BTBD3: variants seen among roughly 807,000 people sequenced by gnomAD.
BTBD3 encodes the protein BTB/POZ domain-containing protein 3.
In BTBD3, 14 loss-of-function variants were observed where a neutral mutation model predicts 41.6. The observed-to-expected ratio is 0.34, with a 90% CI of 0.22 to 0.53. The LOEUF (loss-of-function observed/expected upper bound fraction) is 0.53. Among genes scored for constraint, BTBD3 ranks in the 20% least tolerant of loss-of-function variants. BTBD3 has a pLI of 0.95. For synonymous variants in BTBD3, 249 were observed against 233.7 expected (o/e 1.07, Z -0.60); for missense variants, 426 against 654.7 (o/e 0.65, Z 3.81).
chr20:11,892,821 A>G (rs1021615168), intron 1 of BTBD3, among the ~76,000 whole-genome samples: 1 of 152,192 alleles, frequency 6.6e-6, no homozygotes, highest in Non-Finnish European at 1.5e-5. Context: ...ATATTTAAAA[A>G]TTTAAAAAAA....
intron 1 of BTBD3, among the ~76,000 whole-genome samples, chr20:11,898,475 A>G (rs953847616): frequency 6.6e-6 from 1 of 151,970 alleles, no homozygotes; most frequent in Non-Finnish European, 1.5e-5. Context: ...TCTGCATTTT[A>G]TTTTTCCGTT....
exon 1 of BTBD3, chr20:11,890,888 C>G (rs1600221609): frequency 3.0e-6 from 3 of 984,868 alleles, no homozygotes; most frequent in East Asian, 2.3e-4. Context: ...CGGCCGGGGC[C>G]TGAGGAGCGG....
chr20:11,897,767 T>C (rs955918856), intron 1 of BTBD3, among the ~76,000 whole-genome samples: 1 of 152,190 alleles, frequency 6.6e-6, no homozygotes, highest in Admixed American at 6.5e-5. Flanking sequence ...AACATCAGAG[T>C]GATCTTTTAA....
Position 11,917,993 on chromosome 20 carries a change from T to G in BTBD3, c.-283T>G. 8.7e-7 allele frequency: 1 copy of G among 1,149,502 alleles called. No homozygotes were observed. The highest frequency in any genetic ancestry group is 1.6e-5 in the African/African-American group (1 of 62,564). 71.2% of individuals were successfully genotyped at this position (1,149,502 alleles called of 1,614,324 possible). A position where few individuals can be genotyped will look rare whatever the true frequency, so the allele number is the denominator to read the frequency against. ...GCTACAGCTCTGTGCCTGTCATCTTTGCAGTGTAGCATTTTCAGGTGATCT... is the reference window on the plus strand; with the variant it reads ...GCTACAGCTCTGTGCCTGTCATCTTGGCAGTGTAGCATTTTCAGGTGATCT... On this transcript the variant is annotated 5_prime_UTR_variant, in exon 1 of 4. Transcript: ENST00000378226.
rs1432820372 is a variant in BTBD3 at position 11,925,886 on chromosome 20, C to G, written c.*2220C>G. On this transcript the variant is annotated 3_prime_UTR_variant, in exon 4 of 4. Coordinates refer to ENST00000378226, the MANE Select transcript of BTBD3 (RefSeq NM_014962.4). ...CTGCTGGTGAAAGTCGTGTGAAATC[C>G]TGTACACTGTGTATAGAATAATGTA... 1 of 152,508 alleles carries G rather than the reference C, an allele frequency of 6.6e-6. No homozygotes were observed. The highest frequency in any genetic ancestry group is 1.5e-5 in the Non-Finnish European group (1 of 68,032). 9.4% of individuals were successfully genotyped at this position (152,508 alleles called of 1,614,324 possible).
At position 11,926,581 on chromosome 20, in the gene BTBD3, A is replaced by C. The variant is rs1308484142; in HGVS notation, c.*2915A>C. The C allele has an allele frequency of 1.3e-5, 2 of 152,676 alleles. No individual in the cohort carries two copies. The highest frequency in any genetic ancestry group is 3.8e-4 in the East Asian group (2 of 5,200). 9.5% of individuals were successfully genotyped at this position (152,676 alleles called of 1,614,324 possible). ...TGTATAATCATGTTAAATGCAAATA[A>C]AACTAGTTCATAGATTTGTTTTCCT... is the stretch of plus-strand genomic sequence containing the variant. On this transcript the variant is annotated 3_prime_UTR_variant, in exon 4 of 4. Coordinates refer to ENST00000378226, the MANE Select transcript of BTBD3 (RefSeq NM_014962.4).
At chr20:11,891,853 C>G (rs899524132) in intron 1 of BTBD3, among the ~76,000 whole-genome samples, 1 of 151,974 alleles carries the variant, frequency 6.6e-6, no homozygotes, top group Non-Finnish European at 1.5e-5. Flanking sequence ...TTTAAATATT[C>G]CCCGCCACCT....
intron 1 of BTBD3, among the ~76,000 whole-genome samples, chr20:11,901,883 C>A (rs1262298003): frequency 6.6e-6 from 1 of 152,166 alleles, no homozygotes; most frequent in Non-Finnish European, 1.5e-5. Flanking sequence ...TATATAGTTA[C>A]TGAGTGTGAA....
rs138082885 is a variant in BTBD3 at position 11,923,393 on chromosome 20, C to T, written c.1296C>T (p.Gly432=). ...CCAAGATTGAACTTAAGCGGCAGGG[C>T]GTTGTCCTGGGGCAGAACTTGAGCA... The part of the protein sequence containing the change: ...YSAKIELKRQ[G]VVLGQNLSKY... The change falls in exon 4 of 4, where the codon GGC becomes GGT. Residue 432 remains glycine (G), a synonymous_variant. Coordinates refer to ENST00000378226, the MANE Select transcript of BTBD3 (RefSeq NM_014962.4). The surrounding 1 kb of genome is among the most constrained non-coding windows in gnomAD (Gnocchi z 5.3). 1.1e-5 allele frequency: 18 copies of T among 1,614,072 alleles called. No homozygotes were observed. The African/African-American group carries it at 1.7e-4, about 16-fold the overall frequency.
Position 11,900,607 on chromosome 20 carries a change from T to C in BTBD3, c.-126+9653T>C, listed in dbSNP as rs143521970. ...GCTATGATGTTGTACTTTAGGTCTC[T>C]GTGGATAGAGAAGGACTTCTAATGT... On this transcript the variant is annotated intron_variant, in intron 1 of 4. Coordinates refer to the BTBD3 transcript ENST00000254977. 1.7e-3 allele frequency among the ~76,000 whole-genome samples: 255 copies of C among 152,286 alleles called. 1 individual carries two copies. Among genetic ancestry groups the C allele is most frequent in the Non-Finnish European group, 2.4e-3 (160 of 68,010 alleles).
intron 2 of BTBD3, chr20:11,919,436 G>A (rs1343350557): frequency 1.6e-5 from 23 of 1,406,528 alleles, no homozygotes; most frequent in Admixed American, 8.9e-5. Context: ...CAGGAAAGTC[G>A]TATGTTTACC....
chr20:11,917,091 A>G (rs1168331898), upstream of BTBD3, among the ~76,000 whole-genome samples: 2 of 152,210 alleles, frequency 1.3e-5, no homozygotes, highest in African/African-American at 4.8e-5. Flanking sequence ...TATTCTTTAA[A>G]ATTAAGACAA....
At chr20:11,922,555 T>C in intron 3 of BTBD3, 79 bp from the exon 4 acceptor site, 1 of 1,328,648 alleles carries the variant, frequency 7.5e-7, no homozygotes, top group Non-Finnish European at 1.0e-6. Flanking sequence ...CAGAACAAAC[T>C]TGAAAGTGGT....
intron 1 of BTBD3, among the ~76,000 whole-genome samples, chr20:11,912,411 G>A (rs1402310784): frequency 6.6e-6 from 1 of 152,174 alleles, no homozygotes; most frequent in Non-Finnish European, 1.5e-5. Flanking sequence ...TGGACATTGG[G>A]TGTGGACCGG....
chr20:11,915,989 G>C (rs1306707282), upstream of BTBD3, among the ~76,000 whole-genome samples: 1 of 152,084 alleles, frequency 6.6e-6, no homozygotes, highest in African/African-American at 2.4e-5. Context: ...TATGCAAAAT[G>C]AGTAAAGATC....
chr20:11,897,787 TC>T (rs2056796874), intron 1 of BTBD3, among the ~76,000 whole-genome samples: 1 of 152,092 alleles, frequency 6.6e-6, no homozygotes, highest in African/African-American at 2.4e-5. Context: ...AAAACATAAG[TC>T]AAATTGTGCT....
upstream of BTBD3, among the ~76,000 whole-genome samples, chr20:11,915,008 T>C (rs1375328194): frequency 6.6e-6 from 1 of 152,214 alleles, no homozygotes; most frequent in East Asian, 1.9e-4. Context: ...AAATGATTTG[T>C]TCAAATACTC....
chr20:11,900,376 T>C (rs1997808), intron 1 of BTBD3, among the ~76,000 whole-genome samples: 29 of 152,264 alleles, frequency 1.9e-4, no homozygotes, highest in Non-Finnish European at 3.8e-4. Flanking sequence ...AGGCCATTAA[T>C]GGACAGCCCA....
chr20:11,923,720 T>G lies in BTBD3; in HGVS notation c.*54T>G. 1 of 1,491,030 alleles carries G rather than the reference T, an allele frequency of 6.7e-7. No homozygotes were observed. The highest frequency in any genetic ancestry group is 9.1e-7 in the Non-Finnish European group (1 of 1,101,300). 92.4% of individuals were successfully genotyped at this position (1,491,030 alleles called of 1,614,324 possible). The stretch of plus-strand genomic sequence containing the variant: ...CCAAAGTGCACATCTGGTTCCAACT[T>G]GCCTGATGCTTAGCTCATCTGCAAA... On this transcript the variant is annotated 3_prime_UTR_variant, in exon 4 of 4. Coordinates refer to ENST00000378226, the MANE Select transcript of BTBD3 (RefSeq NM_014962.4). This position sits in a 1 kb window ranked among gnomAD's most constrained non-coding sequence, Gnocchi z 5.3.
Sources: gnomAD v4.1 joint callset for allele counts (sites outside exome capture counted in the v4.1 genomes callset) on GRCh38, gnomAD v4.1.1 for gene constraint, Gnocchi (gnomAD v3.1) non-coding constraint, MANE v1.5 for transcripts, NCBI Gene and HGNC (gene_info 2026-07-23, HGNC 2026-07-21) for gene names.